The following MACROD2 variants were observed in gnomAD, a reference collection of about 807,000 sequenced individuals.
The protein encoded by MACROD2 is mono-ADP ribosylhydrolase 2.
A neutral mutation model predicts 70.4 loss-of-function variants in MACROD2; 36 were observed. The ratio of observed to expected loss-of-function variants is 0.51; its 90% confidence interval spans 0.39 to 0.68. MACROD2 has a LOEUF of 0.68. Among genes scored for constraint, MACROD2 ranks in the 30% least tolerant of loss-of-function variants. MACROD2 has a pLI of 0.00. For synonymous variants in MACROD2, 172 were observed against 178.8 expected (o/e 0.96, Z 0.30); for missense variants, 496 against 538.4 (o/e 0.92, Z 0.78).
chr20:14,520,214 T>A (rs1323595663), intron 4 of MACROD2, among the ~76,000 whole-genome samples: 1 of 152,130 alleles, frequency 6.6e-6, no homozygotes, highest in Admixed American at 6.5e-5. Flanking sequence ...ACACCTAAAG[T>A]AAAAGTTTTT....
At chr20:16,026,095 G>T (rs2067076010) in intron 15 of MACROD2, among the ~76,000 whole-genome samples, 1 of 152,170 alleles carries the variant, frequency 6.6e-6, no homozygotes, top group African/African-American at 2.4e-5. Context: ...GAAGGTTGCA[G>T]TGAGTCAAGA....
intron 2 of MACROD2, among the ~76,000 whole-genome samples, chr20:14,028,886 T>A (rs534598990): frequency 6.6e-6 from 1 of 152,290 alleles, no homozygotes; most frequent in East Asian, 1.9e-4. Context: ...CTCAATCATT[T>A]TTTTCTTACC....
At chr20:14,956,676 A>G (rs2074539823) in intron 5 of MACROD2, among the ~76,000 whole-genome samples, 1 of 152,210 alleles carries the variant, frequency 6.6e-6, no homozygotes, top group South Asian at 2.1e-4. Context: ...ACAAAGGGCT[A>G]GGCTTTTCTA....
intron 5 of MACROD2, among the ~76,000 whole-genome samples, chr20:14,823,475 C>T (rs1250707573): frequency 6.6e-6 from 1 of 152,064 alleles, no homozygotes; most frequent in Non-Finnish European, 1.5e-5. Context: ...GCTCAGCTGT[C>T]ATCAGGGACC....
At chr20:14,486,873 A>G (rs1392531361) in intron 3 of MACROD2, among the ~76,000 whole-genome samples, 1 of 152,164 alleles carries the variant, frequency 6.6e-6, no homozygotes, top group Non-Finnish European at 1.5e-5. Flanking sequence ...GAAAACATAG[A>G]TAATATGCAA....
chr20:14,208,318 C>A (rs6110202), intron 3 of MACROD2, among the ~76,000 whole-genome samples: 81 of 152,136 alleles, frequency 5.3e-4, no homozygotes, highest in Non-Finnish European at 8.8e-4. Flanking sequence ...TTTGGATATA[C>A]AGGAAATAGT....
At chr20:15,234,007 ATATTCTTTTTTTTTTT>A (rs1301906669) in intron 6 of MACROD2, among the ~76,000 whole-genome samples, 1 of 49,638 alleles carries the variant, frequency 2.0e-5, no homozygotes, top group African/African-American at 6.4e-5. Context: ...ATATATATAT[ATATTCTTTTTTTTTTT>A]TTTTTTTTTT....
chr20:15,923,191 T>G (rs940153460), intron 10 of MACROD2, among the ~76,000 whole-genome samples: 2 of 152,140 alleles, frequency 1.3e-5, no homozygotes, highest in Admixed American at 6.5e-5. Context: ...GATAAAAACA[T>G]ACCCGAAACT....
intron 4 of MACROD2, among the ~76,000 whole-genome samples, chr20:14,668,339 T>G (rs775103809): frequency 6.6e-6 from 1 of 152,166 alleles, no homozygotes; most frequent in Non-Finnish European, 1.5e-5. Flanking sequence ...TGACTGGGCC[T>G]GCATTTGGAA....
chr20:14,993,373 T>C (rs958034666), intron 5 of MACROD2, among the ~76,000 whole-genome samples: 2 of 152,046 alleles, frequency 1.3e-5, no homozygotes, highest in African/African-American at 4.8e-5. Flanking sequence ...GGATAAAGTT[T>C]TGGGGTAAAC....
chr20:14,369,357 G>A (rs1023312616), intron 3 of MACROD2, among the ~76,000 whole-genome samples: 2 of 152,206 alleles, frequency 1.3e-5, no homozygotes, highest in African/African-American at 4.8e-5. Context: ...GCCTACTGGG[G>A]AAGCTACCTG....
chr20:15,738,377 A>G (rs2146961354), intron 8 of MACROD2, among the ~76,000 whole-genome samples: 1 of 152,316 alleles, frequency 6.6e-6, no homozygotes, highest in Non-Finnish European at 1.5e-5. Context: ...AGAGGACTAG[A>G]AAGAGTCAAT....
intron 5 of MACROD2, among the ~76,000 whole-genome samples, chr20:14,895,997 A>T (rs529562150): frequency 5.9e-5 from 9 of 152,320 alleles, no homozygotes; most frequent in African/African-American, 2.2e-4. Flanking sequence ...TCAATTCAAC[A>T]AGTAACATTT....
At chr20:14,338,633 T>G (rs1238314959) in intron 3 of MACROD2, among the ~76,000 whole-genome samples, 1 of 152,192 alleles carries the variant, frequency 6.6e-6, no homozygotes, top group Non-Finnish European at 1.5e-5. Context: ...CCTTTCTAAA[T>G]GTTTTTGCTG....
chr20:14,178,097 A>G (rs2081277613), intron 3 of MACROD2, among the ~76,000 whole-genome samples: 1 of 152,186 alleles, frequency 6.6e-6, no homozygotes, highest in African/African-American at 2.4e-5. Flanking sequence ...CACAACATCT[A>G]GGGAAAAGGC....
intron 15 of MACROD2, among the ~76,000 whole-genome samples, chr20:16,003,177 T>C (rs2066738940): frequency 6.6e-6 from 1 of 151,252 alleles, no homozygotes; most frequent in African/African-American, 2.4e-5. Flanking sequence ...AACAGATTCA[T>C]CTGGATGGAA....
At chr20:14,347,217 A>G (rs1040452436) in intron 3 of MACROD2, among the ~76,000 whole-genome samples, 1 of 152,186 alleles carries the variant, frequency 6.6e-6, no homozygotes, top group South Asian at 2.1e-4. Flanking sequence ...TAGTAGGTAG[A>G]TTTTGGACTC....
At chr20:14,312,388 C>G (rs955717426) in intron 3 of MACROD2, among the ~76,000 whole-genome samples, 1 of 152,182 alleles carries the variant, frequency 6.6e-6, no homozygotes, top group African/African-American at 2.4e-5. Context: ...TTACTTTTAT[C>G]ACTAGTCAAA....
At chr20:15,152,404 G>A (rs568684759) in intron 5 of MACROD2, among the ~76,000 whole-genome samples, 2 of 150,770 alleles carry the variant, frequency 1.3e-5, no homozygotes, top group South Asian at 4.2e-4. Flanking sequence ...AGCAGAGAAG[G>A]GGTTTGGGGC....
Sources: gnomAD v4.1 joint callset for allele counts (sites outside exome capture counted in the v4.1 genomes callset) on GRCh38, gnomAD v4.1.1 for gene constraint, MANE v1.5 for transcripts, NCBI Gene and HGNC (gene_info 2026-07-23, HGNC 2026-07-21) for gene names.